Variants in ACTA2 observed in about 807,000 individuals in gnomAD.
The protein encoded by ACTA2 is actin alpha 2, smooth muscle, also known as actin, aortic smooth muscle.
ACTA2 carries 12 observed loss-of-function variants against 39.5 expected under a neutral mutation model. The observed-to-expected ratio is 0.30, with a 90% CI of 0.19 to 0.49. The LOEUF (loss-of-function observed/expected upper bound fraction) is 0.49. ACTA2 is among the 20% of genes least tolerant of loss of function. The pLI, the probability that ACTA2 is intolerant of heterozygous loss-of-function variation, is 0.99. For synonymous variants in ACTA2, 158 were observed against 180.6 expected (o/e 0.88, Z 1.00); for missense variants, 236 against 498.8 (o/e 0.47, Z 5.02).
intron 3 of ACTA2, among the ~76,000 whole-genome samples, chr10:88,946,568 T>A (rs978934240): frequency 6.6e-6 from 1 of 151,966 alleles, no homozygotes; most frequent in African/African-American, 2.4e-5. Flanking sequence ...ATTTCATTTA[T>A]TTTTTGTAGA....
At chr10:88,966,767 C>T (rs928877951) in intron 1 of ACTA2, among the ~76,000 whole-genome samples, 3 of 151,984 alleles carry the variant, frequency 2.0e-5, no homozygotes, top group African/African-American at 4.8e-5. Flanking sequence ...AGGTCAAAGA[C>T]GTAACCTGCT....
chr10:88,955,214 T>C (rs1258832305), upstream of ACTA2, among the ~76,000 whole-genome samples: 2 of 152,232 alleles, frequency 1.3e-5, no homozygotes, highest in African/African-American at 2.4e-5. Flanking sequence ...GTAAATTCCT[T>C]GAGCGCTGGG....
intron 1 of ACTA2, among the ~76,000 whole-genome samples, chr10:88,988,443 TATC>T (rs1564666946): frequency 1.2e-4 from 17 of 142,366 alleles, no homozygotes; most frequent in East Asian, 4.1e-4. Flanking sequence ...TTTTGTTTTT[TATC>T]TTAACTCTTC....
At position 88,988,421 on chromosome 10, in the gene ACTA2, T is replaced by C. The variant is rs989295187; in HGVS notation, c.-24+2518A>G. Among the ~76,000 whole-genome samples, 5 of 7,288 alleles carry C rather than the reference T, an allele frequency of 6.9e-4. No homozygotes were observed. In the African/African-American group the frequency reaches 8.4e-3, roughly 12 times the overall value. 4.8% of individuals were successfully genotyped at this position (7,288 alleles called of 152,430 possible). ...AGTGGTAAAAAGATGTAGAAGTTTT[T>C]TTTTTTTTTTGTTTTGTTTTTTATC... On this transcript the variant is annotated intron_variant, in intron 1 of 4. Coordinates refer to the ACTA2 transcript ENST00000415557.
At chr10:88,972,699 T>C (rs536649942) in intron 1 of ACTA2, among the ~76,000 whole-genome samples, 19 of 152,332 alleles carry the variant, frequency 1.2e-4, no homozygotes, top group African/African-American at 4.6e-4. Context: ...ACCTTACAAA[T>C]GTATAAATCG....
intron 3 of ACTA2, among the ~76,000 whole-genome samples, chr10:88,945,205 G>A (rs1437042858): frequency 6.6e-6 from 1 of 152,168 alleles, no homozygotes; most frequent in Non-Finnish European, 1.5e-5. Context: ...TACATTCTAA[G>A]ATGTTGTCAG....
intron 8 of ACTA2, among the ~76,000 whole-genome samples, chr10:88,937,600 T>G (rs1845766355): frequency 6.6e-6 from 1 of 152,172 alleles, no homozygotes; most frequent in African/African-American, 2.4e-5. Context: ...GGATAAAATT[T>G]GAATTCTTGG....
chr10:88,964,285 C>T (rs1257119773), intron 1 of ACTA2, among the ~76,000 whole-genome samples: 1 of 152,034 alleles, frequency 6.6e-6, no homozygotes, highest in Non-Finnish European at 1.5e-5. Context: ...ATAGGCTTCA[C>T]GTATATATGG....
chr10:88,939,921 T>A (rs1819039237), intron 6 of ACTA2: 1 of 578,260 alleles, frequency 1.7e-6, no homozygotes, highest in Non-Finnish European at 3.1e-6. Context: ...GCCCTCAGCA[T>A]GCATTGTCTG....
intron 1 of ACTA2, among the ~76,000 whole-genome samples, chr10:88,983,755 A>G (rs528668623): frequency 1.3e-5 from 2 of 152,038 alleles, no homozygotes; most frequent in African/African-American, 4.8e-5. Flanking sequence ...TCCTTTCAAC[A>G]TATTTGTGTG....
At chr10:88,969,629 T>A (rs1268093779) in intron 1 of ACTA2, among the ~76,000 whole-genome samples, 1 of 152,216 alleles carries the variant, frequency 6.6e-6, no homozygotes, top group Admixed American at 6.5e-5. Context: ...CTCTCTGGGA[T>A]GACCAGTTTC....
intron 8 of ACTA2, among the ~76,000 whole-genome samples, chr10:88,937,238 CT>C (rs1195456817): frequency 2.0e-5 from 3 of 152,208 alleles, no homozygotes; most frequent in Admixed American, 6.5e-5. Flanking sequence ...TAGCTGCATA[CT>C]CCTTCTAAAA....
At chr10:88,943,366 C>T (rs1845889720) in intron 4 of ACTA2, among the ~76,000 whole-genome samples, 1 of 152,170 alleles carries the variant, frequency 6.6e-6, no homozygotes, top group Non-Finnish European at 1.5e-5. Context: ...ATTAATATTA[C>T]TCCCAACTTA....
intron 6 of ACTA2, 88 bp downstream of exon 6, chr10:88,941,141 C>T: frequency 1.3e-6 from 2 of 1,554,892 alleles, no homozygotes; most frequent in Non-Finnish European, 1.8e-6. Context: ...AACTTCATCC[C>T]ATCATCTCCT....
intron 1 of ACTA2, among the ~76,000 whole-genome samples, chr10:88,950,279 C>T (rs1479147668): frequency 6.6e-6 from 1 of 152,144 alleles, no homozygotes; most frequent in African/African-American, 2.4e-5. Flanking sequence ...GCATTGAGAT[C>T]TCAATTAGGA....
At chr10:88,961,202 T>G (rs1214212342) in intron 1 of ACTA2, among the ~76,000 whole-genome samples, 2 of 152,152 alleles carry the variant, frequency 1.3e-5, no homozygotes, top group African/African-American at 4.8e-5. Flanking sequence ...GAAATAGATT[T>G]CCTTCACCTT....
chr10:88,938,037 A>G (rs1845775825), intron 8 of ACTA2, 24 bp downstream of exon 8: 5 of 1,613,670 alleles, frequency 3.1e-6, no homozygotes, highest in Non-Finnish European at 3.4e-6. Context: ...CGGCATTGCC[A>G]CTGGGTCTGT....
At chr10:88,958,289 G>A (rs897931316) in intron 1 of ACTA2, among the ~76,000 whole-genome samples, 1 of 152,128 alleles carries the variant, frequency 6.6e-6, no homozygotes, top group Non-Finnish European at 1.5e-5. Flanking sequence ...TTAGCAAATG[G>A]TCAAGGATAT....
intron 8 of ACTA2, among the ~76,000 whole-genome samples, chr10:88,936,066 G>C (rs574698573): frequency 6.6e-6 from 1 of 152,338 alleles, no homozygotes; most frequent in South Asian, 2.1e-4. Flanking sequence ...ACAAAGTACT[G>C]ATATTTACTG....
Sources: allele counts gnomAD v4.1 joint callset (sites outside exome capture counted in the v4.1 genomes callset), GRCh38; gene constraint gnomAD v4.1.1; transcripts MANE v1.5; gene names NCBI Gene and HGNC (gene_info 2026-07-23, HGNC 2026-07-21).